IQCJ: variants seen among roughly 807,000 people sequenced by gnomAD.
The protein encoded by IQCJ is IQ motif containing J, also known as IQ domain-containing protein J.
In IQCJ, 9 loss-of-function variants were observed where a neutral mutation model predicts 11.0. The ratio of observed to expected loss-of-function variants is 0.82; its 90% CI spans 0.49 to 1.43. The LOEUF (loss-of-function observed/expected upper bound fraction) is 1.43. Ranked by LOEUF, IQCJ falls within the 40% of genes most tolerant of loss-of-function variation. The pLI is 0.00. For synonymous variants in IQCJ, 55 were observed against 51.3 expected, an observed-to-expected ratio of 1.07 and a Z score of -0.31; for missense variants, 146 against 133.2, an observed-to-expected ratio of 1.10 and a Z score of -0.47.
chr3:159,193,132 T>A (rs1723785003), intron 1 of IQCJ, among the ~76,000 whole-genome samples: 1 of 152,124 alleles, frequency 6.6e-6, no homozygotes, highest in African/African-American at 2.4e-5. Flanking sequence ...CAAAATTGGG[T>A]AGGAGAGTAC....
At chr3:159,094,339 G>T (rs1241726519) in intron 1 of IQCJ, among the ~76,000 whole-genome samples, 1 of 151,034 alleles carries the variant, frequency 6.6e-6, no homozygotes, top group Non-Finnish European at 1.5e-5. Flanking sequence ...GAAAAGGAAG[G>T]TGGAAAATTT....
In IQCJ at chr3:159,262,896, C is replaced by A. The variant is rs916380024; in HGVS notation, c.*165C>A. The A allele has an allele frequency of 1.4e-6, 2 of 1,386,410 alleles. No homozygotes were observed. The highest frequency in any genetic ancestry group is 1.4e-5 in the African/African-American group (1 of 69,306). 85.9% of individuals were successfully genotyped at this position (1,386,410 alleles called of 1,614,324 possible). A position where few individuals can be genotyped will look rare whatever the true frequency, so the allele number is the denominator to read the frequency against. On this transcript the variant is annotated 3_prime_UTR_variant, in exon 4 of 4. Transcript: ENST00000397832. ...AAGCACAAAGTGAACTTTATCAAGT[C>A]TGGAGAAAATAGATTGCATTTATGT...
At chr3:159,265,199 C>G (rs1400777370), downstream of IQCJ, 1 of 1,607,350 alleles carries the variant, frequency 6.2e-7, no homozygotes, top group African/African-American at 1.3e-5. Flanking sequence ...CTTGTTTTAT[C>G]TGCTGTGATC....
intron 1 of IQCJ, among the ~76,000 whole-genome samples, chr3:159,243,583 C>T (rs941793194): frequency 6.6e-6 from 1 of 152,116 alleles, no homozygotes; most frequent in African/African-American, 2.4e-5. Flanking sequence ...AGATAGAAAT[C>T]AGAACAGGGG....
At chr3:159,116,246 G>T (rs1322550287) in intron 1 of IQCJ, among the ~76,000 whole-genome samples, 8 of 151,568 alleles carry the variant, frequency 5.3e-5, no homozygotes. Context: ...AAAAAGAGAA[G>T]AAGGAGAAGG....
At chr3:159,201,831 G>T (rs915084718) in intron 1 of IQCJ, among the ~76,000 whole-genome samples, 9 of 151,804 alleles carry the variant, frequency 5.9e-5, no homozygotes, top group Non-Finnish European at 1.3e-4. Context: ...TGTTGTTGTT[G>T]TTACTCTTTT....
chr3:159,175,507 T>TCACTC (rs1275217198), intron 1 of IQCJ, among the ~76,000 whole-genome samples: 1 of 152,034 alleles, frequency 6.6e-6, no homozygotes, highest in Admixed American at 6.6e-5. Flanking sequence ...ACATTTTCTA[T>TCACTC]CACTCCAGTA....
intron 1 of IQCJ, among the ~76,000 whole-genome samples, chr3:159,188,132 C>T (rs930080171): frequency 3.9e-5 from 6 of 152,148 alleles, no homozygotes; most frequent in African/African-American, 1.4e-4. Flanking sequence ...ATACTTTGGC[C>T]GGGCGCTGTG....
At chr3:159,070,965 A>G (rs1396362791) in intron 1 of IQCJ, among the ~76,000 whole-genome samples, 4 of 152,000 alleles carry the variant, frequency 2.6e-5, no homozygotes, top group African/African-American at 4.8e-5. Flanking sequence ...CAACAATTGC[A>G]TTGGATTTAC....
intron 1 of IQCJ, among the ~76,000 whole-genome samples, chr3:159,122,787 A>G (rs1485514401): frequency 1.3e-5 from 2 of 152,222 alleles, no homozygotes; most frequent in Non-Finnish European, 2.9e-5. Flanking sequence ...GATTTGTCTT[A>G]CAGTCTTTGG....
At chr3:159,131,123 AC>A (rs1250984663) in intron 1 of IQCJ, among the ~76,000 whole-genome samples, 1 of 152,172 alleles carries the variant, frequency 6.6e-6, no homozygotes, top group Non-Finnish European at 1.5e-5. Context: ...ATGAGCACAT[AC>A]CTGGAGGTAG....
At chr3:159,208,726 C>T (rs919192928) in intron 1 of IQCJ, among the ~76,000 whole-genome samples, 5 of 152,180 alleles carry the variant, frequency 3.3e-5, no homozygotes, top group Non-Finnish European at 7.3e-5. Flanking sequence ...TGTCCTAACC[C>T]TTGGATCCTG....
chr3:159,069,454 C>G lies in IQCJ; in HGVS notation c.9+13C>G. The G allele has an allele frequency of 6.2e-7, 1 of 1,607,928 alleles. No homozygotes were observed. Among genetic ancestry groups the G allele is most frequent in the South Asian group, 1.1e-5 (1 of 90,050 alleles). ...CAAAATGCGTCTGGTAATGTATTTG[C>G]TTTTCTAAACGTGCCACTTTGATGT... On this transcript the variant is annotated intron_variant, in intron 1 of 3. Coordinates refer to ENST00000397832, the MANE Select transcript of IQCJ (RefSeq NM_001042706.3).
chr3:159,182,746 T>C (rs1723166632), intron 1 of IQCJ, among the ~76,000 whole-genome samples: 1 of 151,448 alleles, frequency 6.6e-6, no homozygotes, highest in Non-Finnish European at 1.5e-5. Context: ...GATAACCGAT[T>C]AGGTCAGGGG....
chr3:159,142,719 G>T (rs537111597), intron 1 of IQCJ, among the ~76,000 whole-genome samples: 1 of 151,930 alleles, frequency 6.6e-6, no homozygotes, highest in African/African-American at 2.4e-5. Flanking sequence ...TACCCAGCCC[G>T]GGGGCAGGTC....
intron 1 of IQCJ, among the ~76,000 whole-genome samples, chr3:159,237,768 T>A (rs1228118255): frequency 2.0e-5 from 3 of 152,232 alleles, no homozygotes; most frequent in Admixed American, 6.5e-5. Context: ...CGAACCAGGT[T>A]CAGGTCCTTG....
intron 1 of IQCJ, among the ~76,000 whole-genome samples, chr3:159,215,186 T>C (rs74717599): frequency 0.033 from 5,009 of 152,192 alleles, 260 homozygotes; most frequent in African/African-American, 0.11. Flanking sequence ...TGGAAAGTCA[T>C]GGAGAAATGT....
At chr3:159,151,221 T>C (rs58397149) in intron 1 of IQCJ, among the ~76,000 whole-genome samples, 6,071 of 152,214 alleles carry the variant, frequency 0.04, 421 homozygotes, top group African/African-American at 0.14. Flanking sequence ...CTGGAAACAA[T>C]AATCTTAGCC....
At chr3:159,077,197 T>C (rs1226297829) in intron 1 of IQCJ, among the ~76,000 whole-genome samples, 1 of 152,168 alleles carries the variant, frequency 6.6e-6, no homozygotes, top group African/African-American at 2.4e-5. Context: ...GGTTCTCATA[T>C]CATCTATACC....
Sources: allele counts gnomAD v4.1 joint callset (sites outside exome capture counted in the v4.1 genomes callset), GRCh38; gene constraint gnomAD v4.1.1; transcripts MANE v1.5; gene names NCBI Gene and HGNC (gene_info 2026-07-23, HGNC 2026-07-21).